CUL9: variants seen among roughly 807,000 people sequenced by gnomAD.
CUL9 encodes the protein cullin 9.
A neutral mutation model predicts 272.6 loss-of-function variants in CUL9; 79 were observed. That is an observed-to-expected ratio of 0.29 (90% CI 0.24 to 0.35). The LOEUF is 0.35. Ranked by LOEUF, CUL9 falls within the 10% of genes least tolerant of loss-of-function variation. CUL9 has a pLI of 1.00. For missense variants in CUL9, 2,532 were observed against 3,255.6 expected (o/e 0.78, Z 5.41); for synonymous variants, 1,186 against 1,286.5 (o/e 0.92, Z 1.67).
Position 43,204,940 on chromosome 6 carries a change from G to A in CUL9, c.4457G>A (p.Arg1486Lys), listed in dbSNP as rs1774930875. 3 of 1,608,524 alleles carry A rather than the reference G, an allele frequency of 1.9e-6. No individual in the cohort carries two copies. In the East Asian group the frequency reaches 6.7e-5, roughly 36 times the overall value. ...WLSVVQEQVS[R>K]FLAAAWRAPD... ...TCTTGCCTTTCTCCTCAGGTCAGCA[G>A]ATTCCTGGCTGCAGCTTGGAGGGCC... is the stretch of plus-strand genomic sequence containing the variant. Residue 1486 changes from arginine (R) to lysine (K), a missense_variant, in exon 23 of 41, where the codon AGA (arginine) becomes AAA (lysine). Physicochemically the swap from Arg to Lys is conservative, Grantham distance 26. This residue lies in a region of CUL9 where 2,218 missense variants were observed against 2,788.6 expected (regional missense o/e 0.80). Coordinates refer to ENST00000252050, the MANE Select transcript of CUL9 (RefSeq NM_015089.4).
chr6:43,192,878 G>A (rs988468606), intron 8 of CUL9, 123 bp from the exon 9 acceptor site: 4 of 786,704 alleles, frequency 5.1e-6, no homozygotes, highest in Non-Finnish European at 8.5e-6. Flanking sequence ...GGTTTGGGTG[G>A]GGCAGAGAGG....
chr6:43,212,618 A>C (rs1775611098), intron 26 of CUL9, among the ~76,000 whole-genome samples: 1 of 152,170 alleles, frequency 6.6e-6, no homozygotes, highest in Non-Finnish European at 1.5e-5. Context: ...CACAGATTTT[A>C]AAATATTTTG....
rs115394590 is a variant in CUL9 at position 43,221,363 on chromosome 6, G to T, written c.6752+42G>T. 5 of 1,541,148 alleles carry T rather than the reference G, an allele frequency of 3.2e-6. No individual in the cohort carries two copies. The highest frequency in any genetic ancestry group is 4.6e-5 in the East Asian group (2 of 43,114). ...TGTGGGGAGCCAGAGGGCAAGGAGGGGGGAGGAGGCCTGGCAGAAGGAGGG... is the reference window on the plus strand; with the variant it reads ...TGTGGGGAGCCAGAGGGCAAGGAGGTGGGAGGAGGCCTGGCAGAAGGAGGG... On this transcript the variant is annotated intron_variant, in intron 34 of 40. Transcript: ENST00000252050. This position sits in a 1 kb window ranked among gnomAD's most constrained non-coding sequence, Gnocchi z 4.2.
chr6:43,221,892 G>T lies in CUL9; in HGVS notation c.6846+114G>T. The T allele has an allele frequency of 1.1e-6, 1 of 892,804 alleles. No homozygotes were observed. The highest frequency in any genetic ancestry group is 1.7e-6 in the Non-Finnish European group (1 of 587,292). The allele number at this position is 892,804 out of a possible 1,614,324, so 55.3% of individuals were successfully genotyped here. ...GTGCAGTGCAGCATTCTAGCTGTTG[G>T]GATAGAGGCTCACTGTGGGGAAGAC... On this transcript the variant is annotated intron_variant, in intron 35 of 40. Coordinates refer to ENST00000252050, the MANE Select transcript of CUL9 (RefSeq NM_015089.4). This position sits in a 1 kb window ranked among gnomAD's most constrained non-coding sequence, Gnocchi z 4.2.
At position 43,188,727 on chromosome 6, in the gene CUL9, G is replaced by T. The variant is rs762061219; in HGVS notation, c.2180+12G>T. 2.0e-5 allele frequency: 32 copies of T among 1,582,992 alleles called. No individual in the cohort carries two copies. In the East Asian group the frequency reaches 7.2e-4, roughly 36 times the overall value. ...GACAGATCGCTGAGGTTAGCATACT[G>T]GGGAGGGAAGAGGTTTTGGTTGAAG... is the stretch of plus-strand genomic sequence containing the variant. On this transcript the variant is annotated intron_variant, in intron 8 of 40. Transcript: ENST00000252050.
chr6:43,187,287 C>A lies in CUL9; in HGVS notation c.1429C>A (p.Pro477Thr). ...WDWNPMDGLYPLPYLQPEPQK... is the reference protein window; with the variant it reads ...WDWNPMDGLYTLPYLQPEPQK... ...CTGGAATCCTATGGATGGGCTGTAC[C>A]CTTTGCCGTACCTCCAGCCCGAACC... The change falls in exon 6 of 41, where the codon CCT (proline) becomes ACT (threonine). Residue 477 changes from proline (P) to threonine (T), a missense_variant. By Grantham distance (38) the Pro-to-Thr change is conservative. Coordinates refer to ENST00000252050, the MANE Select transcript of CUL9 (RefSeq NM_015089.4). 6.2e-7 allele frequency: 1 copy of A among 1,613,994 alleles called. No homozygotes were observed. Among genetic ancestry groups the A allele is most frequent in the Non-Finnish European group, 8.5e-7 (1 of 1,179,986 alleles).
At chr6:43,205,470 A>C in intron 24 of CUL9, 47 bp downstream of exon 24, 1 of 1,587,048 alleles carries the variant, frequency 6.3e-7, no homozygotes, top group African/African-American at 1.3e-5. Flanking sequence ...CTAGATCTAG[A>C]GAGTGGAAAG....
At chr6:43,198,020 C>T (rs1022509828) in intron 11 of CUL9, among the ~76,000 whole-genome samples, 3 of 152,182 alleles carry the variant, frequency 2.0e-5, no homozygotes, top group Non-Finnish European at 4.4e-5. Flanking sequence ...GCAGGCAGAT[C>T]ACTTGAGGTC....
At chr6:43,186,856 G>T in intron 4 of CUL9, 104 bp from the exon 5 acceptor site, 1 of 1,385,928 alleles carries the variant, frequency 7.2e-7, no homozygotes. Flanking sequence ...CTGAGGGTGC[G>T]CCCCAGATCT....
In CUL9 at chr6:43,224,302, G is replaced by C. The variant is rs750907630; in HGVS notation, c.7411G>C (p.Asp2471His). The change falls in exon 41 of 41, where the codon GAT becomes CAT. Residue 2471 changes from aspartate to histidine, a missense_variant. Asp to His is a moderately conservative substitution (Grantham distance 81). Coordinates refer to ENST00000252050, the MANE Select transcript of CUL9 (RefSeq NM_015089.4). The surrounding 1 kb of genome is among the most constrained non-coding windows in gnomAD (Gnocchi z 4.2). ...AGAAGAGGAGGAGGAAGACGATGAG[G>C]ATGATGTGCCCGAGTGGCAGCAGGA... ...EAEEEEEDDE[D>H]DVPEWQQDEF... 1.2e-6 allele frequency: 2 copies of C among 1,614,226 alleles called. No individual in the cohort carries two copies. The highest frequency in any genetic ancestry group is 1.7e-6 in the Non-Finnish European group (2 of 1,180,038).
Position 43,199,933 on chromosome 6 carries a change from T to C in CUL9, c.3161T>C (p.Val1054Ala). The C allele has an allele frequency of 3.1e-6, 5 of 1,613,530 alleles. No homozygotes were observed. Among genetic ancestry groups the C allele is most frequent in the Non-Finnish European group, 4.2e-6 (5 of 1,179,468 alleles). ...LSGPSSDSEI[V>A]QELTCFLHRL... ...TCTATGTGGCTCTGGGCTCAGATTG[T>C]TCAGGAGCTGACCTGCTTCCTACAT... The change falls in exon 14 of 41, where the codon GTT (valine) becomes GCT (alanine). Residue 1054 changes from valine to alanine, a missense_variant. Coordinates refer to ENST00000252050, the MANE Select transcript of CUL9 (RefSeq NM_015089.4). This position sits in a 1 kb window ranked among gnomAD's most constrained non-coding sequence, Gnocchi z 4.4.
In CUL9 at chr6:43,221,492, C is replaced by T; in HGVS notation, c.6752+171C>T. On this transcript the variant is annotated intron_variant, in intron 34 of 40. Transcript: ENST00000252050. The surrounding 1 kb of genome is among the most constrained non-coding windows in gnomAD (Gnocchi z 4.2). ...TTCCTGGATCTTAATGTTCCTTCTC[C>T]CACTCGTAAGTCCACACTGACTGGG... The T allele has an allele frequency of 1.1e-6, 1 of 924,096 alleles. No homozygotes were observed. Among genetic ancestry groups the T allele is most frequent in the Non-Finnish European group, 1.6e-6 (1 of 625,204 alleles). 57.2% of individuals were successfully genotyped at this position (924,096 alleles called of 1,614,324 possible). A position where few individuals can be genotyped will look rare whatever the true frequency, so the allele number is the denominator to read the frequency against.
chr6:43,184,011 A>G lies in CUL9; in HGVS notation c.-9-291A>G, dbSNP rs1772692580. Reference sequence around the variant, plus strand: ...CGTGATCTGCCCACCTTGGCCTCCTAAAGTGCTGGGATTACAGGCGTGAGC... The same window carrying G: ...CGTGATCTGCCCACCTTGGCCTCCTGAAGTGCTGGGATTACAGGCGTGAGC... On this transcript the variant is annotated intron_variant, in intron 1 of 40. Transcript: ENST00000252050. The surrounding 1 kb of genome is among the most constrained non-coding windows in gnomAD (Gnocchi z 4.8). Among the ~76,000 whole-genome samples, 1 of 152,114 alleles carries G rather than the reference A, an allele frequency of 6.6e-6. No homozygotes were observed. The highest frequency in any genetic ancestry group is 2.4e-5 in the African/African-American group (1 of 41,410).
In CUL9 at chr6:43,196,201, C is replaced by T. The variant is rs1773983790; in HGVS notation, c.2521C>T (p.Pro841Ser). 1.2e-6 allele frequency: 2 copies of T among 1,614,196 alleles called. No homozygotes were observed. The highest frequency in any genetic ancestry group is 1.7e-6 in the Non-Finnish European group (2 of 1,180,044). ...CGCCAGCATCGACTCAGCCACACGC[C>T]CGGGCTCTGAGAGCCTGCTCCTCAC... ...IFASIDSATR[P>S]GSESLLLTVP... is the part of the protein sequence containing the mutation. Residue 841 changes from proline to serine, a missense_variant, in exon 10 of 41, where the codon CCG becomes TCG. Pro to Ser is a moderately conservative substitution (Grantham distance 74). Coordinates refer to ENST00000252050, the MANE Select transcript of CUL9 (RefSeq NM_015089.4).
In CUL9 at chr6:43,220,671, A is replaced by G. The variant is rs1582434761; in HGVS notation, c.6423+72A>G. On this transcript the variant is annotated intron_variant, in intron 32 of 40. Coordinates refer to ENST00000252050, the MANE Select transcript of CUL9 (RefSeq NM_015089.4). This position sits in a 1 kb window ranked among gnomAD's most constrained non-coding sequence, Gnocchi z 4.9. Reference sequence around the variant, plus strand: ...TGTGCCCCAGGGAGTGGGCTGAGCTATGGGGTGCTGGGGGCCTGGAGGTGT... The same window carrying G: ...TGTGCCCCAGGGAGTGGGCTGAGCTGTGGGGTGCTGGGGGCCTGGAGGTGT... The G allele has an allele frequency of 1.2e-5, 20 of 1,605,366 alleles. No individual in the cohort carries two copies. The highest frequency in any genetic ancestry group is 2.2e-5 in the East Asian group (1 of 44,758).
At chr6:43,186,841 T>C in intron 4 of CUL9, 119 bp from the exon 5 acceptor site, 1 of 1,265,764 alleles carries the variant, frequency 7.9e-7, no homozygotes, top group African/African-American at 1.5e-5. Flanking sequence ...TAGCCAGGTG[T>C]GTATCTGAGG....
intron 9 of CUL9, among the ~76,000 whole-genome samples, chr6:43,193,567 T>C (rs1220207938): frequency 3.9e-5 from 6 of 152,026 alleles, no homozygotes; most frequent in Non-Finnish European, 7.4e-5. Flanking sequence ...TGTTTGTTTG[T>C]GATGGAGTCT....
intron 26 of CUL9, 196 bp from the exon 27 acceptor site, chr6:43,212,953 G>A: frequency 1.6e-6 from 1 of 609,778 alleles, no homozygotes; most frequent in Admixed American, 3.1e-5. Flanking sequence ...TGGGCTCCTA[G>A]ATACCCGTGG....
chr6:43,184,941 G>A lies in CUL9; in HGVS notation c.595+36G>A, dbSNP rs750987964. ...GCCAGGGAAGAAGGAAAGGAATGGA[G>A]AAAATGGGGCCACAGGGAATAAGAA... On this transcript the variant is annotated intron_variant, in intron 2 of 40. Transcript: ENST00000252050. This position sits in a 1 kb window ranked among gnomAD's most constrained non-coding sequence, Gnocchi z 4.8. 6.7e-7 allele frequency: 1 copy of A among 1,483,606 alleles called. No homozygotes were observed. Among genetic ancestry groups the A allele is most frequent in the Admixed American group, 1.9e-5 (1 of 53,346 alleles). 91.9% of individuals were successfully genotyped at this position (1,483,606 alleles called of 1,614,324 possible). A position where few individuals can be genotyped will look rare whatever the true frequency, so the allele number is the denominator to read the frequency against.
Sources: gnomAD v4.1 joint callset for allele counts (sites outside exome capture counted in the v4.1 genomes callset) on GRCh38, gnomAD v4.1.1 for gene constraint, gnomAD v4.1.1 regional missense constraint, Gnocchi (gnomAD v3.1) non-coding constraint, MANE v1.5 for transcripts, NCBI Gene and HGNC (gene_info 2026-07-23, HGNC 2026-07-21) for gene names.